Variants in HPS1 observed in about 807,000 individuals in gnomAD.
HPS1 encodes the protein HPS1 biogenesis of lysosomal organelles complex 3 subunit 1.
Under a neutral mutation model 90.6 loss-of-function variants are expected in HPS1, and 59 were observed. That is an observed-to-expected ratio of 0.65 (90% confidence interval 0.53 to 0.81). The LOEUF (loss-of-function observed/expected upper bound fraction) is 0.81, where lower values mean the gene tolerates loss of function less well. HPS1 is among the 30% of genes least tolerant of loss of function. HPS1 has a pLI of 0.00. For synonymous variants in HPS1, 388 were observed against 384.4 expected, an observed-to-expected ratio of 1.01 and a Z score of -0.11; for missense variants, 849 against 896.7, an observed-to-expected ratio of 0.95 and a Z score of 0.68.
intron 2 of HPS1, among the ~76,000 whole-genome samples, chr10:98,443,565 G>A (rs1215628843): frequency 2.6e-5 from 4 of 152,172 alleles, no homozygotes; most frequent in South Asian, 2.1e-4. Flanking sequence ...GACCCACCAC[G>A]GGGCCTACTG....
In HPS1 at chr10:98,435,719, G is replaced by T. The variant is rs769180940; in HGVS notation, c.171C>A (p.Ser57=). ...LSTLLAPVII[S]SMTMLEKLSD... ...AGAGCTTCTCCAGCATCGTCATGGAGGAGATGATGACCGGGGCTAGGAGGG... is the reference window on the plus strand; with the variant it reads ...AGAGCTTCTCCAGCATCGTCATGGATGAGATGATGACCGGGGCTAGGAGGG... Residue 57 remains serine (S), a synonymous_variant, in exon 4 of 20, where the codon TCC becomes TCA. Transcript: ENST00000361490. The surrounding 1 kb of genome is among the most constrained non-coding windows in gnomAD (Gnocchi z 4.3). 2 of 1,614,084 alleles carry T rather than the reference G, an allele frequency of 1.2e-6. No individual in the cohort carries two copies. Among genetic ancestry groups the T allele is most frequent in the African/African-American group, 2.7e-5 (2 of 74,934 alleles).
chr10:98,430,059 C>T (rs779878835), intron 8 of HPS1, among the ~76,000 whole-genome samples, 170 bp from the exon 9 acceptor site: 5 of 152,172 alleles, frequency 3.3e-5, no homozygotes, highest in East Asian at 3.9e-4. Flanking sequence ...CGATTCTAGG[C>T]GGTCTGTTCT....
chr10:98,439,782 A>AT (rs1275019808), intron 3 of HPS1, among the ~76,000 whole-genome samples: 1 of 152,170 alleles, frequency 6.6e-6, no homozygotes, highest in Non-Finnish European at 1.5e-5. Context: ...CTGGGGCAGA[A>AT]TGATATGATT....
At position 98,435,670 on chromosome 10, in the gene HPS1, T is replaced by C; in HGVS notation, c.220A>G (p.Thr74Ala). The change falls in exon 4 of 20, where the codon ACG becomes GCG. Residue 74 changes from threonine to alanine, a missense_variant. Transcript: ENST00000361490. This position sits in a 1 kb window ranked among gnomAD's most constrained non-coding sequence, Gnocchi z 4.3. ...KLSDTYTCFS[T>A]ENGNFLYVLH... is the part of the protein sequence containing the mutation. ...ACATACAGGAAGTTGCCATTTTCCG[T>C]GGAGAAGCAGGTGTAGGTGTCCGAG... 1 of 1,614,158 alleles carries C rather than the reference T, an allele frequency of 6.2e-7. No individual in the cohort carries two copies. Among genetic ancestry groups the C allele is most frequent in the South Asian group, 1.1e-5 (1 of 91,074 alleles).
At chr10:98,422,576 G>T in intron 16 of HPS1, 63 bp from the exon 17 acceptor site, 1 of 1,543,650 alleles carries the variant, frequency 6.5e-7, no homozygotes, top group Non-Finnish European at 8.9e-7. Flanking sequence ...TCTGTCCTGG[G>T]CTTCTAGCTG....
At chr10:98,432,412 C>T (rs1206716610) in intron 6 of HPS1, among the ~76,000 whole-genome samples, 2 of 152,144 alleles carry the variant, frequency 1.3e-5, no homozygotes, top group African/African-American at 4.8e-5. Context: ...CTCTTTATTC[C>T]CATGGCCTGG....
chr10:98,437,737 C>T (rs902627912), intron 3 of HPS1, among the ~76,000 whole-genome samples: 1 of 152,178 alleles, frequency 6.6e-6, no homozygotes, highest in Non-Finnish European at 1.5e-5. Flanking sequence ...AATGTATCAC[C>T]ATCATTAAGC....
At chr10:98,420,739 A>T (rs1392914436) in intron 17 of HPS1, among the ~76,000 whole-genome samples, 5 of 152,164 alleles carry the variant, frequency 3.3e-5, no homozygotes, top group Admixed American at 1.3e-4. Flanking sequence ...ATTAAAAAAA[A>T]AATAAATTAG....
chr10:98,417,315 G>C lies in HPS1; in HGVS notation c.*249C>G. 1 of 447,354 alleles carries C rather than the reference G, an allele frequency of 2.2e-6. No individual in the cohort carries two copies. The highest frequency in any genetic ancestry group is 4.0e-6 in the Non-Finnish European group (1 of 250,640). 27.7% of individuals were successfully genotyped at this position (447,354 alleles called of 1,614,324 possible). ...AGGCAGCTCTGGAAGAGGAGCTGTT[G>C]CCACCGTTGTTTTACAAACAGGACC... On this transcript the variant is annotated 3_prime_UTR_variant, in exon 20 of 20. Coordinates refer to ENST00000361490, the MANE Select transcript of HPS1 (RefSeq NM_000195.5). This position sits in a 1 kb window ranked among gnomAD's most constrained non-coding sequence, Gnocchi z 4.2.
rs777991620 is a variant in HPS1, at chr10:98,425,807, G to A, written c.1155+11C>T. 6.2e-7 allele frequency: 1 copy of A among 1,611,910 alleles called. No homozygotes were observed. Among genetic ancestry groups the A allele is most frequent in the Non-Finnish European group, 8.5e-7 (1 of 1,178,584 alleles). ...TAAGCATCATCAGGGCAGGGTGAGG[G>A]GCTCTCCTACCCTGGTCAGGAGCAC... On this transcript the variant is annotated intron_variant, in intron 12 of 19. Coordinates refer to ENST00000361490, the MANE Select transcript of HPS1 (RefSeq NM_000195.5).
At chr10:98,429,551 C>T in intron 10 of HPS1, 22 bp downstream of exon 10, 2 of 1,614,198 alleles carry the variant, frequency 1.2e-6, no homozygotes, top group Non-Finnish European at 1.7e-6. Context: ...ATTGTTTCCT[C>T]CTGCTTTCCT....
At chr10:98,426,017 G>T in intron 11 of HPS1, 32 bp from the exon 12 acceptor site, 1 of 1,607,970 alleles carries the variant, frequency 6.2e-7, no homozygotes. Context: ...AGTGAGAGGT[G>T]GGATCCCTAA....
chr10:98,420,880 C>G (rs76627022), intron 17 of HPS1, among the ~76,000 whole-genome samples: 2,750 of 152,272 alleles, frequency 0.018, 82 homozygotes, highest in African/African-American at 0.061. Flanking sequence ...AGGCTGGGAA[C>G]TGATGGCACA....
intron 3 of HPS1, among the ~76,000 whole-genome samples, chr10:98,436,999 T>C (rs1847431624): frequency 6.6e-6 from 1 of 152,148 alleles, no homozygotes; most frequent in South Asian, 2.1e-4. Context: ...CTTATCATTC[T>C]GGTTCCAGCT....
At chr10:98,438,979 T>A (rs1248924645) in intron 3 of HPS1, among the ~76,000 whole-genome samples, 1 of 152,200 alleles carries the variant, frequency 6.6e-6, no homozygotes, top group Admixed American at 6.5e-5. Flanking sequence ...AACATATAGC[T>A]CTGGCTGTTG....
At chr10:98,426,125 A>C (rs1845575559) in intron 11 of HPS1, 140 bp from the exon 12 acceptor site, 1 of 727,298 alleles carries the variant, frequency 1.4e-6, no homozygotes, top group Admixed American at 2.5e-5. Context: ...ACTCTGCTGA[A>C]CCTGCCCTCG....
intron 14 of HPS1, 38 bp downstream of exon 14, chr10:98,424,275 C>T: frequency 1.3e-6 from 2 of 1,523,024 alleles, no homozygotes; most frequent in Non-Finnish European, 1.8e-6. Context: ...GTCCCCTGGG[C>T]ACACGACCCA....
At chr10:98,436,826 T>C (rs1176371052) in intron 3 of HPS1, among the ~76,000 whole-genome samples, 1 of 152,192 alleles carries the variant, frequency 6.6e-6, no homozygotes, top group Non-Finnish European at 1.5e-5. Flanking sequence ...GAGTAAGACC[T>C]TGCCTTGAAA....
chr10:98,431,084 G>C, intron 7 of HPS1, 47 bp downstream of exon 7: 1 of 1,601,052 alleles, frequency 6.2e-7, no homozygotes, highest in South Asian at 1.1e-5. Context: ...AGGGGAGTGA[G>C]AAGGCCAGGG....
Sources: allele counts gnomAD v4.1 joint callset (sites outside exome capture counted in the v4.1 genomes callset), GRCh38; gene constraint gnomAD v4.1.1; non-coding constraint Gnocchi (gnomAD v3.1); transcripts MANE v1.5; gene names NCBI Gene and HGNC (gene_info 2026-07-23, HGNC 2026-07-21).